The following SNRPA variants were observed in gnomAD, a reference collection of about 807,000 sequenced individuals.
The protein encoded by SNRPA is small nuclear ribonucleoprotein polypeptide A.
SNRPA carries 10 observed loss-of-function variants against 24.5 expected under a neutral mutation model. The ratio of observed to expected loss-of-function variants is 0.41; its 90% CI spans 0.25 to 0.69. The LOEUF (loss-of-function observed/expected upper bound fraction) is 0.69. Among genes scored for constraint, SNRPA ranks in the 30% least tolerant of loss-of-function variants. The pLI, the probability that SNRPA is intolerant of heterozygous loss-of-function variation, is 0.33. For synonymous variants in SNRPA, 165 were observed against 148.4 expected, an observed-to-expected ratio of 1.11 and a Z score of -0.81; for missense variants, 283 against 394.7, an observed-to-expected ratio of 0.72 and a Z score of 2.40.
In SNRPA at chr19:40,765,027, G is replaced by A. The variant is rs1275115802; in HGVS notation, c.709G>A (p.Val237Ile). The A allele has an allele frequency of 3.2e-6, 5 of 1,579,814 alleles. No homozygotes were observed. Among genetic ancestry groups the A allele is most frequent in the Non-Finnish European group, 4.3e-6 (5 of 1,165,210 alleles). The change falls in exon 6 of 6, where the codon GTC (valine) becomes ATC (isoleucine). Residue 237 changes from valine to isoleucine, a missense_variant. By Grantham distance (29) the Val-to-Ile change is conservative. This residue lies in a region of SNRPA where 51 missense variants were observed against 110.3 expected (regional missense o/e 0.46). Coordinates refer to ENST00000243563, the MANE Select transcript of SNRPA (RefSeq NM_004596.5). The part of the protein sequence containing the change: ...LFNQFPGFKE[V>I]RLVPGRHDIA... ...TTTCAGGTTCCCTGGCTTCAAGGAG[G>A]TCCGTCTGGTACCCGGGCGGCATGA... is the stretch of plus-strand genomic sequence containing the variant.
intron 5 of SNRPA, 63 bp from the exon 6 acceptor site, chr19:40,764,944 TC>T: frequency 6.9e-7 from 1 of 1,446,378 alleles, no homozygotes. Context: ...CTGGCCTCTG[TC>T]CACTTGATGC....
chr19:40,759,827 G>A (rs958330738), intron 3 of SNRPA, among the ~76,000 whole-genome samples: 1 of 152,136 alleles, frequency 6.6e-6, no homozygotes, highest in African/African-American at 2.4e-5. Flanking sequence ...CCTTGTGACT[G>A]TTTCTCAAGG....
chr19:40,764,409 A>G (rs528201386), intron 5 of SNRPA, among the ~76,000 whole-genome samples: 1 of 152,344 alleles, frequency 6.6e-6, no homozygotes, highest in East Asian at 1.9e-4. Context: ...CCTGTCCACA[A>G]AGCTGTATAT....
At chr19:40,762,813 A>T (rs968585526) in intron 3 of SNRPA, 88 bp from the exon 4 acceptor site, 1 of 1,400,134 alleles carries the variant, frequency 7.1e-7, no homozygotes, top group Admixed American at 2.1e-5. Flanking sequence ...TTTTCCTTAC[A>T]TCTCTCACCC....
chr19:40,759,305 C>A, intron 2 of SNRPA, 126 bp from the exon 3 acceptor site: 2 of 874,056 alleles, frequency 2.3e-6, no homozygotes, highest in African/African-American at 1.7e-5. Context: ...TCGCTTTAGC[C>A]TCCCAAAGGG....
intron 2 of SNRPA, 60 bp downstream of exon 2, chr19:40,757,564 G>A: frequency 6.7e-7 from 1 of 1,485,258 alleles, no homozygotes; most frequent in Non-Finnish European, 9.1e-7. Context: ...AGACTGGGCG[G>A]GCCTGGATTA....
Position 40,763,334 on chromosome 19 carries a change from C to G in SNRPA, c.601-253C>G, listed in dbSNP as rs946562651. 1.7e-5 allele frequency: 10 copies of G among 593,746 alleles called. No homozygotes were observed. The Admixed American group carries it at 3.0e-4, about 18-fold the overall frequency. 36.8% of individuals were successfully genotyped at this position (593,746 alleles called of 1,614,324 possible). A position where few individuals can be genotyped will look rare whatever the true frequency, so the allele number is the denominator to read the frequency against. ...CCATGAGCTATTGAGCGCCTCCTTA[C>G]GTGCCAGGCCCCGTTCTGCACTGTA... On this transcript the variant is annotated intron_variant, in intron 4 of 5. Coordinates refer to ENST00000243563, the MANE Select transcript of SNRPA (RefSeq NM_004596.5).
chr19:40,762,235 G>C (rs1196341443), intron 3 of SNRPA, among the ~76,000 whole-genome samples: 1 of 151,692 alleles, frequency 6.6e-6, no homozygotes, highest in Non-Finnish European at 1.5e-5. Context: ...TTTGTTTTTT[G>C]AGACAGAGAC....
intron 3 of SNRPA, among the ~76,000 whole-genome samples, chr19:40,760,371 G>T (rs1219063103): frequency 6.6e-6 from 1 of 152,146 alleles, no homozygotes; most frequent in African/African-American, 2.4e-5. Context: ...GCACTGAGGG[G>T]TAAATCCAAC....
At chr19:40,761,205 A>G (rs2082930140) in intron 3 of SNRPA, among the ~76,000 whole-genome samples, 1 of 151,552 alleles carries the variant, frequency 6.6e-6, no homozygotes, top group African/African-American at 2.4e-5. Context: ...GACCAAGGGG[A>G]CAGGATGAAG....
intron 4 of SNRPA, chr19:40,763,356 T>TGTA (rs923123721): frequency 2.6e-5 from 16 of 604,066 alleles, no homozygotes; most frequent in African/African-American, 2.4e-4. Context: ...CGTTCTGCAC[T>TGTA]GTAGGGCTGC....
chr19:40,762,478 A>G (rs1342922662), intron 3 of SNRPA, among the ~76,000 whole-genome samples: 2 of 151,000 alleles, frequency 1.3e-5, no homozygotes, highest in African/African-American at 2.4e-5. Context: ...CGGCCTCCCA[A>G]AGTGTTAGGA....
chr19:40,765,184 GC>G lies in SNRPA; in HGVS notation c.*19del. ...AAGAAGTAGCACCTTTTCCCCCCAT[GC>G]CTGCCCCTTCCCCTGTTCTGGGGCC... On this transcript the variant is annotated 3_prime_UTR_variant, in exon 6 of 6. Coordinates refer to ENST00000243563, the MANE Select transcript of SNRPA (RefSeq NM_004596.5). 6.7e-7 allele frequency: 1 copy of G among 1,500,558 alleles called. No homozygotes were observed. Among genetic ancestry groups the G allele is most frequent in the Non-Finnish European group, 8.9e-7 (1 of 1,120,498 alleles). 93.0% of individuals were successfully genotyped at this position (1,500,558 alleles called of 1,614,324 possible).
intron 3 of SNRPA, among the ~76,000 whole-genome samples, chr19:40,761,931 G>T (rs551499049): frequency 6.6e-6 from 1 of 152,080 alleles, no homozygotes; most frequent in East Asian, 1.9e-4. Flanking sequence ...CTGAGCCTCC[G>T]TGTCTCTCTG....
chr19:40,756,782 C>G (rs2607415), intron 1 of SNRPA, among the ~76,000 whole-genome samples: 116,895 of 152,028 alleles, frequency 0.77, 45,265 homozygotes, highest in African/African-American at 0.84. Flanking sequence ...ATTTAGACGT[C>G]GTGGTCAGAG....
intron 1 of SNRPA, among the ~76,000 whole-genome samples, chr19:40,756,090 T>C (rs1157926808): frequency 2.0e-5 from 3 of 151,906 alleles, no homozygotes; most frequent in African/African-American, 7.3e-5. Flanking sequence ...CTGGCCAACA[T>C]AGGAGACTGT....
intron 3 of SNRPA, 154 bp downstream of exon 3, chr19:40,759,764 G>T: frequency 3.1e-6 from 2 of 652,470 alleles, no homozygotes; most frequent in African/African-American, 1.9e-5. Context: ...CTCTCTTTTG[G>T]GGGGTATTGA....
intron 2 of SNRPA, chr19:40,758,813 G>A (rs754126691): frequency 4.0e-5 from 6 of 151,750 alleles, no homozygotes; most frequent in Non-Finnish European, 5.9e-5. Flanking sequence ...TGCAACCTTC[G>A]CCTCCTGGGT....
intron 1 of SNRPA, chr19:40,756,924 G>A: frequency 9.3e-6 from 2 of 215,352 alleles, no homozygotes; most frequent in South Asian, 1.1e-4. Flanking sequence ...CAGACCTGGG[G>A]GCCAGTGTGG....
Sources: allele counts gnomAD v4.1 joint callset (sites outside exome capture counted in the v4.1 genomes callset), GRCh38; gene constraint gnomAD v4.1.1; regional missense constraint gnomAD v4.1.1; transcripts MANE v1.5; gene names NCBI Gene and HGNC (gene_info 2026-07-23, HGNC 2026-07-21).